The following FOXP1 variants were observed in gnomAD, a reference collection of about 807,000 sequenced individuals.
The protein encoded by FOXP1 is forkhead box protein P1.
FOXP1 carries 15 observed loss-of-function variants against 98.2 expected under a neutral mutation model. The observed-to-expected ratio is 0.15, with a 90% confidence interval of 0.10 to 0.24. The LOEUF (loss-of-function observed/expected upper bound fraction) is 0.24, where lower values mean the gene tolerates loss of function less well. FOXP1 is among the 10% of genes least tolerant of loss of function. FOXP1 has a pLI of 1.00. For missense variants in FOXP1, 633 were observed against 848.5 expected (o/e 0.75, Z 3.15); for synonymous variants, 371 against 314.5 (o/e 1.18, Z -1.90).
intron 2 of FOXP1, among the ~76,000 whole-genome samples, chr3:71,566,472 G>T (rs1359197814): frequency 6.6e-6 from 1 of 152,198 alleles, no homozygotes; most frequent in East Asian, 1.9e-4. Context: ...CCCTTGTGTA[G>T]TCTAATGTTT....
chr3:71,539,644 CTTCT>C (rs1287216252), intron 2 of FOXP1, among the ~76,000 whole-genome samples: 1 of 152,226 alleles, frequency 6.6e-6, no homozygotes, highest in East Asian at 1.9e-4. Flanking sequence ...AGGTCTTTAA[CTTCT>C]TTCAAGAATA....
intron 5 of FOXP1, among the ~76,000 whole-genome samples, chr3:71,262,941 G>A (rs1367135046): frequency 1.3e-5 from 2 of 152,118 alleles, no homozygotes; most frequent in African/African-American, 2.4e-5. Context: ...GTGGCCTTGG[G>A]ACTCCATTGG....
chr3:71,295,299 G>A (rs1340960384), intron 5 of FOXP1, among the ~76,000 whole-genome samples: 1 of 152,120 alleles, frequency 6.6e-6, no homozygotes, highest in Non-Finnish European at 1.5e-5. Flanking sequence ...GAATTGCTGT[G>A]TCATTAGGTA....
chr3:71,034,924 C>T (rs1190923599), intron 11 of FOXP1, among the ~76,000 whole-genome samples: 1 of 152,152 alleles, frequency 6.6e-6, no homozygotes, highest in African/African-American at 2.4e-5. Flanking sequence ...GGCTGCTCCC[C>T]AGACCACCTT....
chr3:71,479,358 T>G (rs1262025828), intron 3 of FOXP1, among the ~76,000 whole-genome samples: 1 of 152,214 alleles, frequency 6.6e-6, no homozygotes, highest in Non-Finnish European at 1.5e-5. Context: ...TTCCAAATGA[T>G]GGAGATAGGT....
chr3:71,570,380 C>A (rs952878047), intron 2 of FOXP1: 2 of 151,990 alleles, frequency 1.3e-5, no homozygotes, highest in Admixed American at 1.3e-4. Flanking sequence ...AGACTCTCCC[C>A]AATCCAAGGG....
At chr3:70,997,107 T>C (rs2041479965) in intron 13 of FOXP1, among the ~76,000 whole-genome samples, 1 of 152,228 alleles carries the variant, frequency 6.6e-6, no homozygotes. Context: ...GGGTCAGTAA[T>C]GTGCAGGTAA....
chr3:71,345,770 A>G (rs2107804933), intron 4 of FOXP1, among the ~76,000 whole-genome samples: 1 of 150,674 alleles, frequency 6.6e-6, no homozygotes, highest in East Asian at 2.0e-4. Context: ...AATTCAGTGC[A>G]GATGGGGGAG....
intron 5 of FOXP1, among the ~76,000 whole-genome samples, chr3:71,251,045 GT>G (rs1286822029): frequency 6.6e-6 from 1 of 152,088 alleles, no homozygotes; most frequent in African/African-American, 2.4e-5. Flanking sequence ...TATAAACACG[GT>G]TTTGATTAGA....
chr3:71,341,419 T>C (rs771529391), intron 4 of FOXP1, among the ~76,000 whole-genome samples: 1 of 152,218 alleles, frequency 6.6e-6, no homozygotes, highest in Non-Finnish European at 1.5e-5. Flanking sequence ...CTAAAACTTA[T>C]GAGGTACAGA....
chr3:71,132,325 T>C (rs2059613673), intron 6 of FOXP1, among the ~76,000 whole-genome samples: 1 of 152,164 alleles, frequency 6.6e-6, no homozygotes, highest in Admixed American at 6.5e-5. Flanking sequence ...GTCACACAAA[T>C]AGATGTGTTC....
At chr3:71,046,827 G>A (rs1184797721) in intron 10 of FOXP1, 115 bp downstream of exon 10, 2 of 1,248,676 alleles carry the variant, frequency 1.6e-6, no homozygotes, top group Non-Finnish European at 2.4e-6. Context: ...TTTCTTAAAA[G>A]AATCTATGTG....
chr3:71,440,084 G>C (rs780844017), intron 3 of FOXP1, among the ~76,000 whole-genome samples: 1 of 152,070 alleles, frequency 6.6e-6, no homozygotes, highest in Non-Finnish European at 1.5e-5. Flanking sequence ...GAGGTATCTA[G>C]AGTTGTCAAA....
chr3:71,498,248 A>G (rs1252718034), intron 2 of FOXP1, among the ~76,000 whole-genome samples: 1 of 152,144 alleles, frequency 6.6e-6, no homozygotes, highest in Non-Finnish European at 1.5e-5. Context: ...ACAAAACAAC[A>G]AGTGATGTTT....
At chr3:70,962,578 G>A (rs1431985977) in intron 20 of FOXP1, among the ~76,000 whole-genome samples, 1 of 152,182 alleles carries the variant, frequency 6.6e-6, no homozygotes, top group African/African-American at 2.4e-5. Context: ...ATTTCCTAAT[G>A]TTTGTTTCAA....
chr3:71,436,003 GAAGGAAGA>G (rs1294683936), intron 3 of FOXP1, among the ~76,000 whole-genome samples: 1 of 151,376 alleles, frequency 6.6e-6, no homozygotes, highest in Admixed American at 6.6e-5. Flanking sequence ...AGGGAGGATA[GAAGGAAGA>G]AAGGAAGAAA....
At chr3:71,247,776 G>C (rs1177523174) in intron 5 of FOXP1, among the ~76,000 whole-genome samples, 2 of 152,140 alleles carry the variant, frequency 1.3e-5, no homozygotes, top group African/African-American at 4.8e-5. Context: ...GCATCTCTCA[G>C]CTCCAGAGGG....
rs563281608 is a variant in FOXP1 at position 71,561,773 on chromosome 3, C to T, written c.-298+19776G>A. On this transcript the variant is annotated intron_variant, in intron 2 of 20. Transcript: ENST00000649528. ...AATTCTATCCCATGAAAATCATCAT[C>T]GAGCACCAGTATATTTCTTTGCACA... 5.3e-5 allele frequency among the ~76,000 whole-genome samples: 8 copies of T among 152,268 alleles called. No individual in the cohort carries two copies. In the South Asian group the frequency reaches 8.3e-4, roughly 16 times the overall value.
chr3:71,436,579 T>C (rs569608315), intron 3 of FOXP1, among the ~76,000 whole-genome samples: 1 of 152,140 alleles, frequency 6.6e-6, no homozygotes, highest in Non-Finnish European at 1.5e-5. Flanking sequence ...ATTCCATGTA[T>C]TTCCATAAAA....
Sources: gnomAD v4.1 joint callset for allele counts (sites outside exome capture counted in the v4.1 genomes callset) on GRCh38, gnomAD v4.1.1 for gene constraint, MANE v1.5 for transcripts, NCBI Gene and HGNC (gene_info 2026-07-23, HGNC 2026-07-21) for gene names.